The following CADPS2 variants were observed in gnomAD, a reference collection of about 807,000 sequenced individuals.
CADPS2 encodes the protein calcium-dependent secretion activator 2.
A neutral mutation model predicts 172.5 loss-of-function variants in CADPS2; 93 were observed. The ratio of observed to expected loss-of-function variants is 0.54; its 90% CI spans 0.46 to 0.64. The LOEUF is 0.64. Ranked by LOEUF, CADPS2 falls within the 30% of genes least tolerant of loss-of-function variation. The probability of loss-of-function intolerance (pLI) is 0.00; values close to 1 mark genes in which losing one functional copy is unlikely to be tolerated. For missense variants in CADPS2, 1,420 were observed against 1,565.9 expected (o/e 0.91, Z 1.57); for synonymous variants, 546 against 555.2 (o/e 0.98, Z 0.23).
intron 17 of CADPS2, among the ~76,000 whole-genome samples, chr7:122,434,548 T>C (rs900669992): frequency 1.3e-5 from 2 of 152,150 alleles, no homozygotes; most frequent in Non-Finnish European, 2.9e-5. Context: ...GCCTACTTTG[T>C]GTCAGCAGAC....
At chr7:122,789,731 G>A (rs1358715663) in intron 1 of CADPS2, among the ~76,000 whole-genome samples, 2 of 152,102 alleles carry the variant, frequency 1.3e-5, no homozygotes, top group African/African-American at 4.8e-5. Flanking sequence ...CTAATAATTT[G>A]ACTACATAAA....
At chr7:122,807,650 C>T (rs926839346) in intron 1 of CADPS2, among the ~76,000 whole-genome samples, 4 of 152,162 alleles carry the variant, frequency 2.6e-5, no homozygotes, top group African/African-American at 7.2e-5. Context: ...GCTGGAAGTC[C>T]AAGATCAAAG....
intron 3 of CADPS2, among the ~76,000 whole-genome samples, chr7:122,631,181 T>G (rs922165449): frequency 6.6e-6 from 1 of 152,164 alleles, no homozygotes. Context: ...TATTATGATC[T>G]TTGCTTAAAT....
intron 2 of CADPS2, chr7:122,702,158 A>G: frequency 1.2e-6 from 2 of 1,613,800 alleles, no homozygotes; most frequent in Non-Finnish European, 1.7e-6. Flanking sequence ...TGTGGCAGCC[A>G]GGAAGGTAAA....
chr7:122,833,444 G>C (rs116132137), intron 1 of CADPS2, among the ~76,000 whole-genome samples: 1 of 152,012 alleles, frequency 6.6e-6, no homozygotes, highest in East Asian at 1.9e-4. Flanking sequence ...TTTGCCTCCC[G>C]GGTTCGAGCA....
In CADPS2 at chr7:122,491,427, G is replaced by A. The variant is rs372668997; in HGVS notation, c.1543-7C>T. 7.3e-5 allele frequency: 111 copies of A among 1,526,968 alleles called. No homozygotes were observed. The highest frequency in any genetic ancestry group is 8.1e-5 in the Non-Finnish European group (92 of 1,130,526). The allele number at this position is 1,526,968 out of a possible 1,614,324, so 94.6% of individuals were successfully genotyped here. A position where few individuals can be genotyped will look rare whatever the true frequency, so the allele number is the denominator to read the frequency against. On this transcript the variant is annotated splice_region_variant and splice_polypyrimidine_tract_variant and intron_variant, in intron 9 of 29. Transcript: ENST00000449022. ...CAAAGGTATATTGGCTAACCTGCTC[G>A]AGAAAAAAAAAGTTTACAGATTAGT...
intron 6 of CADPS2, among the ~76,000 whole-genome samples, chr7:122,596,876 GA>G (rs1210977041): frequency 6.6e-6 from 1 of 152,114 alleles, no homozygotes; most frequent in African/African-American, 2.4e-5. Context: ...AATTTATAGA[GA>G]AAAAAATTTA....
intron 2 of CADPS2, among the ~76,000 whole-genome samples, chr7:122,713,882 C>G (rs929517222): frequency 6.6e-6 from 1 of 152,022 alleles, no homozygotes; most frequent in Non-Finnish European, 1.5e-5. Context: ...TTTGTTCCCT[C>G]ACATCCACAG....
At chr7:122,734,374 A>AAAAAAAAAAAAAG (rs2091962522) in intron 2 of CADPS2, among the ~76,000 whole-genome samples, 7 of 94,518 alleles carry the variant, frequency 7.4e-5, no homozygotes, top group East Asian at 2.3e-4. Flanking sequence ...AAAAAAAAAA[A>AAAAAAAAAAAAAG]AAAAAAAAAA....
chr7:122,667,370 A>C (rs1160532218), intron 2 of CADPS2, among the ~76,000 whole-genome samples: 3 of 152,228 alleles, frequency 2.0e-5, no homozygotes, highest in Admixed American at 1.3e-4. Flanking sequence ...AGTCAGAGCT[A>C]GATTCCACCA....
chr7:122,443,532 A>G (rs757673795), intron 15 of CADPS2, among the ~76,000 whole-genome samples: 1 of 152,002 alleles, frequency 6.6e-6, no homozygotes, highest in South Asian at 2.1e-4. Flanking sequence ...AGATAAATAA[A>G]CCAGCACAGA....
chr7:122,414,134 C>T, intron 18 of CADPS2, 58 bp from the exon 19 acceptor site: 15 of 1,349,904 alleles, frequency 1.1e-5, no homozygotes, highest in Non-Finnish European at 1.5e-5. Flanking sequence ...CATAGTGTTA[C>T]AAAACATCTT....
chr7:122,337,758 G>GAA (rs372572074), intron 28 of CADPS2, among the ~76,000 whole-genome samples: 43,811 of 134,206 alleles, frequency 0.33, 7,754 homozygotes, highest in Non-Finnish European at 0.42. Context: ...AAACTTTAAG[G>GAA]AAAAAAAAAA....
intron 24 of CADPS2, among the ~76,000 whole-genome samples, chr7:122,379,972 C>T (rs1277413964): frequency 1.3e-5 from 2 of 152,012 alleles, no homozygotes; most frequent in East Asian, 3.9e-4. Flanking sequence ...TATGCTCGAG[C>T]AAGGGCAAAA....
chr7:122,438,516 T>C (rs2151945574), intron 16 of CADPS2, 52 bp from the exon 17 acceptor site: 2 of 1,587,570 alleles, frequency 1.3e-6, no homozygotes, highest in East Asian at 2.3e-5. Flanking sequence ...GATAGACAGA[T>C]GGAAGAAAAA....
intron 8 of CADPS2, among the ~76,000 whole-genome samples, chr7:122,526,194 A>G (rs1358957045): frequency 1.3e-5 from 2 of 151,530 alleles, no homozygotes; most frequent in African/African-American, 4.9e-5. Flanking sequence ...TTATTTATTT[A>G]TTTATTTATT....
intron 1 of CADPS2, among the ~76,000 whole-genome samples, chr7:122,804,753 T>C (rs1798422252): frequency 6.6e-6 from 1 of 152,336 alleles, no homozygotes; most frequent in Non-Finnish European, 1.5e-5. Context: ...CAAATTCTTA[T>C]ATGCTCTGTA....
chr7:122,707,781 C>T (rs1304363762), intron 2 of CADPS2, among the ~76,000 whole-genome samples: 1 of 151,324 alleles, frequency 6.6e-6, no homozygotes, highest in African/African-American at 2.4e-5. Context: ...TTTACTTTTA[C>T]AATTTTTAAT....
intron 1 of CADPS2, among the ~76,000 whole-genome samples, chr7:122,829,687 T>C (rs367641321): frequency 7.7e-4 from 118 of 152,286 alleles, no homozygotes; most frequent in African/African-American, 2.7e-3. Context: ...ATTAAGTGTG[T>C]TTTAGAACCA....
Sources: gnomAD v4.1 joint callset for allele counts (sites outside exome capture counted in the v4.1 genomes callset) on GRCh38, gnomAD v4.1.1 for gene constraint, MANE v1.5 for transcripts, NCBI Gene and HGNC (gene_info 2026-07-23, HGNC 2026-07-21) for gene names.